Variants in BAZ2B observed in about 807,000 individuals in gnomAD.
BAZ2B encodes the protein bromodomain adjacent to zinc finger domain 2B.
BAZ2B carries 91 observed loss-of-function variants against 246.0 expected under a neutral mutation model. That is an observed-to-expected ratio of 0.37 (90% CI 0.31 to 0.44). BAZ2B has a LOEUF of 0.44. Ranked by LOEUF, BAZ2B falls within the 20% of genes least tolerant of loss-of-function variation. The pLI, the probability that BAZ2B is intolerant of heterozygous loss-of-function variation, is 1.00. For missense variants in BAZ2B, 2,332 were observed against 2,533.7 expected, an observed-to-expected ratio of 0.92 and a Z score of 1.71; for synonymous variants, 855 against 860.0, an observed-to-expected ratio of 0.99 and a Z score of 0.10.
At chr2:159,670,537 T>C in the BAZ2B span, among the ~76,000 whole-genome samples, 7 of 152,192 alleles carry the variant, frequency 4.6e-5, no homozygotes, top group African/African-American at 1.7e-4. Context: ...TTTATGTATT[T>C]TATAGTAGTT....
intron 36 of BAZ2B, among the ~76,000 whole-genome samples, chr2:159,324,339 T>C (rs1193073687): frequency 2.0e-5 from 3 of 152,196 alleles, no homozygotes; most frequent in African/African-American, 7.2e-5. Flanking sequence ...GCTCTTAATA[T>C]GTAAAGCTTC....
At position 159,490,516 on chromosome 2, in the gene BAZ2B, T is replaced by C. The variant is rs905892939; in HGVS notation, c.-2-11795A>G. 9.9e-5 allele frequency among the ~76,000 whole-genome samples: 15 copies of C among 152,108 alleles called. No individual in the cohort carries two copies. In the East Asian group the frequency reaches 2.9e-3, roughly 29 times the overall value. ...TGACGTTTTGGGTTTTAGAGTTTTT[T>C]TGTTTGTTTGTTTGCTTTGAGACAT... is the stretch of plus-strand genomic sequence containing the variant. On this transcript the variant is annotated intron_variant, in intron 2 of 36. Transcript: ENST00000392783.
intron 2 of BAZ2B, among the ~76,000 whole-genome samples, chr2:159,501,882 T>C (rs912818881): frequency 2.0e-4 from 31 of 152,180 alleles, no homozygotes; most frequent in Non-Finnish European, 3.4e-4. Flanking sequence ...GGTACCTGAA[T>C]GTTCATAGCT....
intron 3 of BAZ2B, chr2:159,462,974 A>C: frequency 1.0e-6 from 1 of 960,698 alleles, no homozygotes; most frequent in Non-Finnish European, 1.7e-6. Context: ...ATGTAAAGGA[A>C]ATTTTGTTTC....
intron 1 of BAZ2B, among the ~76,000 whole-genome samples, chr2:159,596,298 T>C (rs1690689233): frequency 6.6e-6 from 1 of 152,180 alleles, no homozygotes; most frequent in African/African-American, 2.4e-5. Context: ...ACTGTTTCAT[T>C]TGAAGACAAC....
intron 27 of BAZ2B, among the ~76,000 whole-genome samples, chr2:159,366,917 G>C (rs2060277067): frequency 1.3e-5 from 2 of 152,034 alleles, no homozygotes; most frequent in Non-Finnish European, 2.9e-5. Flanking sequence ...CAAGGGTCAG[G>C]GGGTGGACTG....
At chr2:159,657,537 T>C in the BAZ2B span, among the ~76,000 whole-genome samples, 7 of 152,188 alleles carry the variant, frequency 4.6e-5, no homozygotes, top group Admixed American at 2.0e-4. Context: ...GTTAAATCTA[T>C]AAATCAAGTT....
intron 2 of BAZ2B, among the ~76,000 whole-genome samples, chr2:159,495,697 G>A (rs1000303350): frequency 6.6e-6 from 1 of 151,736 alleles, no homozygotes; most frequent in African/African-American, 2.4e-5. Flanking sequence ...AAGACCACAT[G>A]GTAGTGTTGG....
In BAZ2B at chr2:159,430,932, A is replaced by G. The variant is rs200904019; in HGVS notation, c.2125T>C (p.Cys709Arg). ...KAPGSAPAAL[C>R]SESQSPAFLG... is the part of the protein sequence containing the mutation. ...AAAGCAGGTGACTGGGATTCAGAACATAAGGCAGCAGGAGCAGAGCCTGGG... is the reference window on the plus strand; with the variant it reads ...AAAGCAGGTGACTGGGATTCAGAACGTAAGGCAGCAGGAGCAGAGCCTGGG... The change falls in exon 10 of 37, where the codon TGT becomes CGT. Residue 709 changes from cysteine to arginine, a missense_variant. Around this residue, in one of 9 missense-constraint regions of BAZ2B, gnomAD observed 651 missense variants for 650.9 expected, o/e 1.00. Coordinates refer to ENST00000392783, the MANE Select transcript of BAZ2B (RefSeq NM_013450.4). 1.1e-5 allele frequency: 17 copies of G among 1,614,034 alleles called. No homozygotes were observed. Among genetic ancestry groups the G allele is most frequent in the Non-Finnish European group, 1.4e-5 (16 of 1,179,904 alleles).
At chr2:159,591,108 C>T (rs1279141376) in intron 1 of BAZ2B, among the ~76,000 whole-genome samples, 1 of 152,038 alleles carries the variant, frequency 6.6e-6, no homozygotes. Context: ...AATCTCATTG[C>T]CTAAAACTTT....
chr2:159,368,270 T>G (rs1438204386), intron 27 of BAZ2B, among the ~76,000 whole-genome samples: 2 of 152,090 alleles, frequency 1.3e-5, no homozygotes, highest in African/African-American at 4.8e-5. Context: ...CCAGGCTCGT[T>G]GTGAACTCTT....
intron 2 of BAZ2B, among the ~76,000 whole-genome samples, chr2:159,531,300 T>A (rs1478482695): frequency 6.6e-6 from 1 of 152,200 alleles, no homozygotes; most frequent in Non-Finnish European, 1.5e-5. Context: ...TAGGCTTTAA[T>A]ATTCTGTGAT....
intron 1 of BAZ2B, among the ~76,000 whole-genome samples, chr2:159,561,065 T>A (rs1285820611): frequency 1.3e-5 from 2 of 152,144 alleles, no homozygotes; most frequent in African/African-American, 4.8e-5. Context: ...TGCTGTCCAA[T>A]ATATACCTGC....
intron 2 of BAZ2B, among the ~76,000 whole-genome samples, chr2:159,525,919 A>G (rs1477051812): frequency 6.6e-6 from 1 of 152,192 alleles, no homozygotes; most frequent in African/African-American, 2.4e-5. Context: ...GCTTAGAAAT[A>G]TTGATCTAGC....
intron 16 of BAZ2B, among the ~76,000 whole-genome samples, chr2:159,402,459 CAAACAAAAAACAAAACA>C (rs1444720893): frequency 2.0e-5 from 3 of 151,702 alleles, no homozygotes; most frequent in Admixed American, 6.6e-5. Flanking sequence ...AAAAAACAAA[CAAACAAAAAACAAAACA>C]AAACAAAAAA....
intron 1 of BAZ2B, among the ~76,000 whole-genome samples, chr2:159,582,669 G>T (rs917367833): frequency 6.6e-6 from 1 of 152,164 alleles, no homozygotes; most frequent in African/African-American, 2.4e-5. Flanking sequence ...ACAGGTGTAA[G>T]CCACTGGGCC....
At position 159,447,726 on chromosome 2, in the gene BAZ2B, A is replaced by G. The variant is rs139303557; in HGVS notation, c.502+516T>C. 2.8e-4 allele frequency among the ~76,000 whole-genome samples: 43 copies of G among 152,322 alleles called. No homozygotes were observed. The East Asian group carries it at 8.1e-3, about 29-fold the overall frequency. On this transcript the variant is annotated intron_variant, in intron 5 of 36. Coordinates refer to ENST00000392783, the MANE Select transcript of BAZ2B (RefSeq NM_013450.4). ...AGTATTTTCTTGAACAACTTATTTGACCTTGGCTGTAAAATTAAAATACTT... is the reference window on the plus strand; with the variant it reads ...AGTATTTTCTTGAACAACTTATTTGGCCTTGGCTGTAAAATTAAAATACTT...
chr2:159,386,716 T>C, intron 21 of BAZ2B, 109 bp from the exon 22 acceptor site: 2 of 1,276,106 alleles, frequency 1.6e-6, no homozygotes, highest in Non-Finnish European at 2.1e-6. Context: ...TCCCCTCTTG[T>C]ATTGTACCAG....
intron 2 of BAZ2B, among the ~76,000 whole-genome samples, chr2:159,491,663 G>A (rs1411696579): frequency 7.9e-6 from 1 of 126,646 alleles, no homozygotes; most frequent in Admixed American, 8.6e-5. Context: ...GGAGCTTGCA[G>A]TGAGCCGAGA....
Sources: gnomAD v4.1 joint callset for allele counts (sites outside exome capture counted in the v4.1 genomes callset) on GRCh38, gnomAD v4.1.1 for gene constraint, gnomAD v4.1.1 regional missense constraint, MANE v1.5 for transcripts, NCBI Gene and HGNC (gene_info 2026-07-23, HGNC 2026-07-21) for gene names.